The following LATS1 variants were observed in gnomAD, a reference collection of about 807,000 sequenced individuals.
LATS1 encodes serine/threonine-protein kinase LATS1.
In LATS1, 25 loss-of-function variants were observed where a neutral mutation model predicts 106.6. The observed-to-expected ratio is 0.23, with a 90% CI of 0.17 to 0.33. The LOEUF (loss-of-function observed/expected upper bound fraction) is 0.33. Among genes scored for constraint, LATS1 ranks in the 10% least tolerant of loss-of-function variants. The pLI is 1.00. For synonymous variants in LATS1, 465 were observed against 455.6 expected (o/e 1.02, Z -0.26); for missense variants, 1,040 against 1,382.6 (o/e 0.75, Z 3.93).
At chr6:149,691,135 C>G (rs1782726017) in intron 3 of LATS1, among the ~76,000 whole-genome samples, 1 of 152,150 alleles carries the variant, frequency 6.6e-6, no homozygotes, top group Non-Finnish European at 1.5e-5. Flanking sequence ...ACCAGTACCA[C>G]AAGATGTGAC....
At chr6:149,696,432 G>C (rs1485179003) in intron 2 of LATS1, among the ~76,000 whole-genome samples, 2 of 150,302 alleles carry the variant, frequency 1.3e-5, no homozygotes, top group African/African-American at 4.9e-5. Flanking sequence ...TCTGGGTGTA[G>C]TGGTACGTGT....
chr6:149,662,246 G>T lies in LATS1; in HGVS notation c.2884-8C>A, dbSNP rs755834557. 2 of 1,553,978 alleles carry T rather than the reference G, an allele frequency of 1.3e-6. No individual in the cohort carries two copies. The highest frequency in any genetic ancestry group is 4.5e-5 in the East Asian group (2 of 44,236). ...TGTTTGCCAGTTGATAACCTTTAAA[G>T]ATTTTTTAAAATTAGGGGGAAGAGA... On this transcript the variant is annotated splice_region_variant and splice_polypyrimidine_tract_variant and intron_variant, in intron 7 of 7. Transcript: ENST00000543571.
At chr6:149,669,334 C>T (rs974039324) in intron 7 of LATS1, among the ~76,000 whole-genome samples, 3 of 151,280 alleles carry the variant, frequency 2.0e-5, no homozygotes, top group East Asian at 1.9e-4. Context: ...GGGGTTTCAC[C>T]GTGTTAGCCA....
intron 3 of LATS1, among the ~76,000 whole-genome samples, chr6:149,693,054 G>C (rs1782860955): frequency 6.6e-6 from 1 of 151,784 alleles, no homozygotes; most frequent in Admixed American, 6.6e-5. Flanking sequence ...AACAAGGTCA[G>C]GAGTTCGAGA....
chr6:149,685,981 C>T (rs547942955), intron 3 of LATS1, among the ~76,000 whole-genome samples: 10 of 151,972 alleles, frequency 6.6e-5, no homozygotes, highest in South Asian at 2.1e-4. Context: ...AACAAAAGAC[C>T]ATTCAATAGT....
intron 2 of LATS1, among the ~76,000 whole-genome samples, chr6:149,698,134 A>G (rs1451088261): frequency 6.6e-6 from 1 of 152,190 alleles, no homozygotes; most frequent in African/African-American, 2.4e-5. Context: ...TATGTTTTAC[A>G]ATATTTCTTA....
chr6:149,680,232 G>C lies in LATS1; in HGVS notation c.2236C>G (p.Gln746Glu). 6.2e-7 allele frequency: 1 copy of C among 1,613,998 alleles called. No individual in the cohort carries two copies. The highest frequency in any genetic ancestry group is 8.5e-7 in the Non-Finnish European group (1 of 1,179,954). ...LRKKDVLLRN[Q>E]VAHVKAERDI... ...CTCTCAGCCTTAACATGAGCGACTT[G>C]ATTTCGAAGAAGAACATCTTTCTTT... The change falls in exon 5 of 8, where the codon CAA becomes GAA. Residue 746 changes from glutamine to glutamate, a missense_variant. Physicochemically the swap from Gln to Glu is conservative, Grantham distance 29 (BLOSUM62 2). This residue lies in a region of LATS1 where 167 missense variants were observed against 332.1 expected (regional missense o/e 0.50). Transcript: ENST00000543571.
chr6:149,709,873 A>C (rs1783996184), intron 1 of LATS1, among the ~76,000 whole-genome samples: 1 of 151,620 alleles, frequency 6.6e-6, no homozygotes, highest in Admixed American at 6.6e-5. Flanking sequence ...ATGGGGTTTC[A>C]CTATGTTGGC....
intron 4 of LATS1, 84 bp from the exon 5 acceptor site, chr6:149,680,541 T>C (rs1187657439): frequency 1.1e-5 from 11 of 980,188 alleles, no homozygotes; most frequent in East Asian, 2.5e-5. Flanking sequence ...AATTCAGGCA[T>C]ATATTTAAAG....
chr6:149,696,838 T>C (rs1582903263), intron 2 of LATS1, among the ~76,000 whole-genome samples: 1 of 152,272 alleles, frequency 6.6e-6, no homozygotes, highest in Admixed American at 6.5e-5. Flanking sequence ...CCAGCAGCTC[T>C]GTAAAGTAGA....
Position 149,708,151 on chromosome 6 carries a change from C to G in LATS1, c.-140-5885G>C, listed in dbSNP as rs113997669. Among the ~76,000 whole-genome samples the G allele has an allele frequency of 2.9e-3, 446 of 152,272 alleles. 1 individual carries two copies. The highest frequency in any genetic ancestry group is 0.01 in the African/African-American group (422 of 41,554). On this transcript the variant is annotated intron_variant, in intron 1 of 7. Transcript: ENST00000543571. Reference sequence around the variant, plus strand: ...TTATTTCCATGAAACAATGTCACTTCATTTATCAGGGGAAATAACAGAAGC... The same window carrying G: ...TTATTTCCATGAAACAATGTCACTTGATTTATCAGGGGAAATAACAGAAGC...
At chr6:149,678,045 C>A (rs1376041125) in intron 5 of LATS1, among the ~76,000 whole-genome samples, 3 of 142,430 alleles carry the variant, frequency 2.1e-5, no homozygotes, top group Non-Finnish European at 4.6e-5. Flanking sequence ...ACAGGCTGGG[C>A]GTGGTCGCTC....
chr6:149,684,960 G>A (rs999004335), intron 3 of LATS1, among the ~76,000 whole-genome samples: 8 of 152,140 alleles, frequency 5.3e-5, no homozygotes, highest in African/African-American at 1.2e-4. Context: ...TTTTGACCAG[G>A]CGTGGTGGCT....
At chr6:149,707,129 C>T (rs1783825916) in intron 1 of LATS1, among the ~76,000 whole-genome samples, 1 of 150,012 alleles carries the variant, frequency 6.7e-6, no homozygotes, top group Admixed American at 6.8e-5. Context: ...AATTTTCCTG[C>T]CTCAGCCTCC....
chr6:149,692,252 G>C (rs774710664), intron 3 of LATS1, among the ~76,000 whole-genome samples: 7 of 152,212 alleles, frequency 4.6e-5, no homozygotes, highest in East Asian at 3.9e-4. Context: ...TCACAATCCT[G>C]TGTTCAGTGC....
intron 2 of LATS1, chr6:149,696,957 C>A (rs1012741171): frequency 2.3e-6 from 1 of 433,914 alleles, no homozygotes; most frequent in Admixed American, 2.5e-5. Context: ...AACTACCAAG[C>A]ACAGTGCCTG....
chr6:149,681,474 G>A (rs1422761543), intron 4 of LATS1, among the ~76,000 whole-genome samples: 1 of 152,154 alleles, frequency 6.6e-6, no homozygotes, highest in Admixed American at 6.5e-5. Flanking sequence ...CACAGTAATG[G>A]AGACTACAGA....
Position 149,695,241 on chromosome 6 carries a change from A to T in LATS1, c.349-20T>A, listed in dbSNP as rs940615922. 1.4e-5 allele frequency: 19 copies of T among 1,397,704 alleles called. No homozygotes were observed. In the East Asian group the frequency reaches 3.1e-4, roughly 23 times the overall value. The allele number at this position is 1,397,704 out of a possible 1,614,324, so 86.6% of individuals were successfully genotyped here. A position where few individuals can be genotyped will look rare whatever the true frequency, so the allele number is the denominator to read the frequency against. ...CATATCCTGATATGAATTGAAGTTTAAAAAAAAAGAAACAAAATTTAAATC... is the reference window on the plus strand; with the variant it reads ...CATATCCTGATATGAATTGAAGTTTTAAAAAAAAGAAACAAAATTTAAATC... On this transcript the variant is annotated intron_variant, in intron 2 of 7. Coordinates refer to ENST00000543571, the MANE Select transcript of LATS1 (RefSeq NM_004690.4).
In LATS1 at chr6:149,684,014, G is replaced by A; in HGVS notation, c.1075C>T (p.His359Tyr). The A allele has an allele frequency of 6.2e-7, 1 of 1,614,136 alleles. No individual in the cohort carries two copies. The highest frequency in any genetic ancestry group is 8.5e-7 in the Non-Finnish European group (1 of 1,180,010). Residue 359 changes from histidine to tyrosine, a missense_variant, in exon 4 of 8, where the codon CAC becomes TAC. By Grantham distance (83) the His-to-Tyr change is moderately conservative (BLOSUM62 2). Around this residue, in one of 7 missense-constraint regions of LATS1, gnomAD observed 624 missense variants for 714.8 expected, o/e 0.87. Transcript: ENST00000543571. ...NGTGQTDFMI[H>Y]QNVVPAGTVN... is the part of the protein sequence containing the mutation. The stretch of plus-strand genomic sequence containing the variant: ...GTGCCAGCAGGGACAACATTTTGGT[G>A]TATCATGAAATCAGTTTGTCCAGTA...
Sources: allele counts gnomAD v4.1 joint callset (sites outside exome capture counted in the v4.1 genomes callset), GRCh38; gene constraint gnomAD v4.1.1; regional missense constraint gnomAD v4.1.1; transcripts MANE v1.5; gene names NCBI Gene and HGNC (gene_info 2026-07-23, HGNC 2026-07-21).